BLOC1S3: variants seen among roughly 807,000 people sequenced by gnomAD.
BLOC1S3 encodes the protein biogenesis of lysosomal organelles complex 1 subunit 3, also known as biogenesis of lysosome-related organelles complex 1 subunit 3.
In BLOC1S3, 7 loss-of-function variants were observed where a neutral mutation model predicts 9.1. The observed-to-expected ratio is 0.77, with a 90% CI of 0.44 to 1.45. The LOEUF (loss-of-function observed/expected upper bound fraction) is 1.45. Among genes scored for constraint, BLOC1S3 ranks in the 40% most tolerant of loss-of-function variants. The probability of loss-of-function intolerance (pLI) is 0.01; values close to 1 mark genes in which losing one functional copy is unlikely to be tolerated. For missense variants in BLOC1S3, 307 were observed against 315.2 expected (o/e 0.97, Z 0.20); for synonymous variants, 145 against 158.4 (o/e 0.92, Z 0.64).
At chr19:45,196,303 A>C (rs564901565) in intron 2 of BLOC1S3, among the ~76,000 whole-genome samples, 2 of 152,034 alleles carry the variant, frequency 1.3e-5, no homozygotes, top group Admixed American at 6.6e-5. Context: ...GCTTGAGCCC[A>C]GGAGATGGAG....
intron 2 of BLOC1S3, among the ~76,000 whole-genome samples, chr19:45,193,928 G>A (rs59446300): frequency 3.1e-4 from 5 of 16,202 alleles, no homozygotes; most frequent in Admixed American, 7.3e-4. Flanking sequence ...TCAGCCTCCT[G>A]AGTAGCCGGG....
At chr19:45,206,623 ATTT>A (rs77449388) in intron 3 of BLOC1S3, among the ~76,000 whole-genome samples, 1 of 133,472 alleles carries the variant, frequency 7.5e-6, no homozygotes. Flanking sequence ...ACCTAGTTAA[ATTT>A]TTTTTTTTTT....
chr19:45,179,896 G>A lies in BLOC1S3; in HGVS notation c.600G>A (p.Pro200=), dbSNP rs145239205. Residue 200 remains proline (P), a synonymous_variant, in exon 2 of 2, where the codon CCG becomes CCA. Transcript: ENST00000433642. This position sits in a 1 kb window ranked among gnomAD's most constrained non-coding sequence, Gnocchi z 4.6. The part of the protein sequence containing the change: ...PGTEPEKDPG[P]RA ...CCGAGCCTGAGAAAGACCCGGGGCC[G>A]CGGGCCTAGCCATGATTCTACTTCC... The A allele has an allele frequency of 4.2e-5, 67 of 1,607,948 alleles. 1 individual carries two copies. In the African/African-American group the frequency reaches 8.2e-4, roughly 20 times the overall value.
intron 3 of BLOC1S3, among the ~76,000 whole-genome samples, chr19:45,209,588 A>AT (rs1467022884): frequency 7.9e-5 from 12 of 151,074 alleles, no homozygotes; most frequent in African/African-American, 2.9e-4. Flanking sequence ...CGCCCAGCTA[A>AT]TTTTTTGTAT....
chr19:45,192,707 C>T (rs979507796), intron 2 of BLOC1S3, among the ~76,000 whole-genome samples: 2 of 152,124 alleles, frequency 1.3e-5, no homozygotes, highest in African/African-American at 2.4e-5. Context: ...TTCTAGAAAT[C>T]GCCTTGAAGC....
downstream of BLOC1S3, among the ~76,000 whole-genome samples, chr19:45,185,540 C>T (rs1969560486): frequency 6.6e-6 from 1 of 152,044 alleles, no homozygotes; most frequent in Non-Finnish European, 1.5e-5. Context: ...TTGCTAACCA[C>T]ATTTCAAGGG....
At chr19:45,207,134 G>A (rs1969733297) in intron 3 of BLOC1S3, among the ~76,000 whole-genome samples, 1 of 141,268 alleles carries the variant, frequency 7.1e-6, no homozygotes. Flanking sequence ...ACCGCGCCCA[G>A]CTATTTTATT....
chr19:45,208,084 T>C (rs201049230), intron 3 of BLOC1S3, among the ~76,000 whole-genome samples: 1 of 151,648 alleles, frequency 6.6e-6, no homozygotes, highest in East Asian at 2.0e-4. Flanking sequence ...AAGCGATTCT[T>C]CTGCCTCAGC....
At chr19:45,201,827 TA>T (rs1324819134) in intron 2 of BLOC1S3, among the ~76,000 whole-genome samples, 4 of 152,258 alleles carry the variant, frequency 2.6e-5, no homozygotes, top group Non-Finnish European at 5.9e-5. Context: ...GTTTCCCCCA[TA>T]CTGTTCTTGT....
intron 2 of BLOC1S3, among the ~76,000 whole-genome samples, chr19:45,195,017 C>T (rs903005567): frequency 6.0e-5 from 9 of 151,004 alleles, no homozygotes; most frequent in African/African-American, 7.3e-5. Flanking sequence ...CTGCAATCTC[C>T]GCCTCCCAGT....
intron 2 of BLOC1S3, among the ~76,000 whole-genome samples, chr19:45,194,109 T>A (rs1969629925): frequency 1.2e-5 from 1 of 80,638 alleles, no homozygotes; most frequent in Non-Finnish European, 2.6e-5. Flanking sequence ...GGCCTTTTTT[T>A]TTTTTTTTTT....
chr19:45,183,631 T>TC (rs1447915577), downstream of BLOC1S3, among the ~76,000 whole-genome samples: 1 of 137,210 alleles, frequency 7.3e-6, no homozygotes, highest in Non-Finnish European at 1.6e-5. Flanking sequence ...TTCTTTTTTT[T>TC]TTTTTTTTTT....
At chr19:45,206,455 T>TTTTTTTTTTTTTTTTTTTTG (rs1568476450) in intron 3 of BLOC1S3, among the ~76,000 whole-genome samples, 3 of 115,226 alleles carry the variant, frequency 2.6e-5, no homozygotes, top group African/African-American at 4.0e-5. Flanking sequence ...ATCAAGTTTT[T>TTTTTTTTTTTTTTTTTTTTG]TTTTTTTTTT....
intron 3 of BLOC1S3, chr19:45,213,348 G>A (rs1385628675): frequency 1.7e-5 from 28 of 1,613,324 alleles, no homozygotes; most frequent in Non-Finnish European, 2.0e-5. Context: ...GGGCTGCCAC[G>A]TGCTTCTGCC....
intron 3 of BLOC1S3, among the ~76,000 whole-genome samples, chr19:45,209,074 AGT>A (rs1285361268): frequency 6.6e-6 from 1 of 151,646 alleles, no homozygotes; most frequent in Non-Finnish European, 1.5e-5. Flanking sequence ...TTTGAGATGG[AGT>A]CTCTCTCTGT....
chr19:45,213,365 G>T, intron 3 of BLOC1S3: 1 of 1,612,878 alleles, frequency 6.2e-7, no homozygotes, highest in African/African-American at 1.3e-5. Context: ...TGCCTGTGGG[G>T]AGAGGAACAG....
At chr19:45,196,293 G>T (rs1221971906) in intron 2 of BLOC1S3, among the ~76,000 whole-genome samples, 1 of 152,134 alleles carries the variant, frequency 6.6e-6, no homozygotes, top group African/African-American at 2.4e-5. Flanking sequence ...CTCGAGAATT[G>T]CTTGAGCCCA....
At chr19:45,197,694 G>A (rs559863494) in intron 2 of BLOC1S3, among the ~76,000 whole-genome samples, 1 of 150,226 alleles carries the variant, frequency 6.7e-6, no homozygotes, top group South Asian at 2.1e-4. Context: ...GCATGATGGT[G>A]GGTGCCTGTA....
In BLOC1S3 at chr19:45,193,005, C is replaced by T. The variant is rs111668732; in HGVS notation, n.180+5265C>T. 4.9e-3 allele frequency among the ~76,000 whole-genome samples: 738 copies of T among 149,546 alleles called. 2 individuals are homozygous for T. Among genetic ancestry groups the T allele is most frequent in the Middle Eastern group, 0.01 (3 of 288 alleles). On this transcript the variant is annotated intron_variant and non_coding_transcript_variant, in intron 2 of 3. Transcript: ENST00000591569. ...AAAATTAGCCGGGTGTTGTGGCACA[C>T]GCGTGTAATCCCAGCTACTCAGGAG...
Sources: gnomAD v4.1 joint callset for allele counts (sites outside exome capture counted in the v4.1 genomes callset) on GRCh38, gnomAD v4.1.1 for gene constraint, Gnocchi (gnomAD v3.1) non-coding constraint, MANE v1.5 for transcripts, NCBI Gene and HGNC (gene_info 2026-07-23, HGNC 2026-07-21) for gene names.